Variants in GSN observed in about 807,000 individuals in gnomAD.
The protein encoded by GSN is actin-depolymerizing factor.
In GSN, 56 loss-of-function variants were observed where a neutral mutation model predicts 85.7. The ratio of observed to expected loss-of-function variants is 0.65; its 90% CI spans 0.53 to 0.82. The LOEUF (loss-of-function observed/expected upper bound fraction) is 0.82. GSN is among the 40% of genes least tolerant of loss of function. The probability of loss-of-function intolerance (pLI) is 0.00; values close to 1 mark genes in which losing one functional copy is unlikely to be tolerated. For synonymous variants in GSN, 373 were observed against 399.1 expected (o/e 0.93, Z 0.78); for missense variants, 857 against 979.8 (o/e 0.87, Z 1.67).
At chr9:121,277,091 G>C (rs1445889211) in intron 1 of GSN, among the ~76,000 whole-genome samples, 3 of 151,920 alleles carry the variant, frequency 2.0e-5, no homozygotes, top group African/African-American at 7.3e-5. Flanking sequence ...TGTTCCCCTA[G>C]GTCTCCTTTC....
intron 1 of GSN, among the ~76,000 whole-genome samples, chr9:121,208,949 G>T (rs1352766785): frequency 1.3e-5 from 2 of 152,264 alleles, no homozygotes; most frequent in South Asian, 4.1e-4. Context: ...TTTCCCACCA[G>T]TGCAGTTCCC....
intron 1 of GSN, among the ~76,000 whole-genome samples, chr9:121,275,555 G>A (rs1362985934): frequency 1.3e-5 from 2 of 152,128 alleles, no homozygotes; most frequent in Non-Finnish European, 2.9e-5. Flanking sequence ...GAACTGTATC[G>A]TTCAGAACGG....
At chr9:121,247,922 C>T (rs920153328) in intron 5 of GSN, among the ~76,000 whole-genome samples, 19 of 145,772 alleles carry the variant, frequency 1.3e-4, no homozygotes, top group African/African-American at 4.8e-4. Context: ...GGGAGTCTCA[C>T]CAATGAAGGC....
At chr9:121,293,935 C>T (rs759534345) in intron 2 of GSN, among the ~76,000 whole-genome samples, 43 of 150,066 alleles carry the variant, frequency 2.9e-4, no homozygotes, top group South Asian at 8.8e-4. Flanking sequence ...GATGAGGAAA[C>T]GGAGGCTCAG....
intron 2 of GSN, among the ~76,000 whole-genome samples, chr9:121,292,485 C>T (rs964084841): frequency 3.9e-5 from 6 of 152,194 alleles, no homozygotes; most frequent in African/African-American, 1.4e-4. Context: ...AGGGTCTGGA[C>T]ACATGCTGTA....
intron 1 of GSN, among the ~76,000 whole-genome samples, chr9:121,208,665 C>G (rs2053921627): frequency 1.3e-5 from 2 of 152,180 alleles, no homozygotes; most frequent in Non-Finnish European, 2.9e-5. Context: ...AGAAGTTGTA[C>G]CTATTGCTTT....
intron 5 of GSN, among the ~76,000 whole-genome samples, chr9:121,237,570 A>AAACC (rs1306190131): frequency 2.0e-5 from 3 of 152,092 alleles, no homozygotes; most frequent in Non-Finnish European, 4.4e-5. Context: ...CAAACAAACA[A>AAACC]AACCAACCAA....
chr9:121,290,568 T>C (rs2132869681), intron 2 of GSN, among the ~76,000 whole-genome samples: 1 of 152,336 alleles, frequency 6.6e-6, no homozygotes, highest in East Asian at 1.9e-4. Flanking sequence ...CAAGTTATTG[T>C]ATATACTTAA....
intron 4 of GSN, among the ~76,000 whole-genome samples, chr9:121,226,765 A>G (rs893154903): frequency 2.6e-5 from 4 of 152,012 alleles, no homozygotes; most frequent in African/African-American, 7.3e-5. Flanking sequence ...CAATAAGGCA[A>G]CTCTTATTGG....
chr9:121,272,107 C>T (rs1046328567), intron 1 of GSN, among the ~76,000 whole-genome samples: 4 of 152,290 alleles, frequency 2.6e-5, no homozygotes, highest in South Asian at 2.1e-4. Context: ...TCGCTTTCAA[C>T]GGAGTGAGCG....
In GSN at chr9:121,326,518, G is replaced by A. The variant is rs766945413; in HGVS notation, c.1423G>A (p.Val475Met). 4 of 1,613,742 alleles carry A rather than the reference G, an allele frequency of 2.5e-6. No individual in the cohort carries two copies. The highest frequency in any genetic ancestry group is 3.4e-4 in the Middle Eastern group (2 of 5,962). Residue 475 changes from valine to methionine, a missense_variant, in exon 13 of 18, where the codon GTG becomes ATG. By Grantham distance (21) the Val-to-Met change is conservative. Coordinates refer to ENST00000432226, the MANE Select transcript of GSN (RefSeq NM_198252.3). ...TCTCCTGTCTCCCTGCCAGAGCCGTGTGGTCCAAGGCAAGGAGCCCGCCCA... is the reference window on the plus strand; with the variant it reads ...TCTCCTGTCTCCCTGCCAGAGCCGTATGGTCCAAGGCAAGGAGCCCGCCCA... ...ELGGTPVQSR[V>M]VQGKEPAHLM...
At chr9:121,312,528 G>A (rs778419126) in intron 6 of GSN, 40 bp downstream of exon 6, 6 of 1,552,754 alleles carry the variant, frequency 3.9e-6, no homozygotes, top group South Asian at 3.5e-5. Flanking sequence ...ATGGGGACAC[G>A]CTGCTCATGA....
upstream of GSN, among the ~76,000 whole-genome samples, chr9:121,267,393 T>C (rs2055264330): frequency 1.3e-5 from 2 of 152,230 alleles, no homozygotes; most frequent in African/African-American, 4.8e-5. Context: ...AGAACATCCC[T>C]TCCGTTTATG....
chr9:121,310,458 C>G, intron 4 of GSN: 1 of 584,610 alleles, frequency 1.7e-6, no homozygotes, highest in East Asian at 3.0e-5. Flanking sequence ...GCTGTGTGGC[C>G]TTGGGCAAAT....
intron 4 of GSN, among the ~76,000 whole-genome samples, chr9:121,218,543 G>A (rs887201590): frequency 1.3e-5 from 2 of 152,188 alleles, no homozygotes; most frequent in Admixed American, 6.5e-5. Context: ...GCTGAGTCAC[G>A]AGAATCACTT....
chr9:121,240,637 T>G (rs892669684), intron 5 of GSN, among the ~76,000 whole-genome samples: 1 of 152,180 alleles, frequency 6.6e-6, no homozygotes, highest in Non-Finnish European at 1.5e-5. Context: ...AACCAGGACC[T>G]GTTTGGGGCT....
chr9:121,297,403 A>G (rs1189931678), intron 2 of GSN, among the ~76,000 whole-genome samples: 1 of 152,150 alleles, frequency 6.6e-6, no homozygotes, highest in East Asian at 1.9e-4. Context: ...GAATATTTTT[A>G]TCACCCCGAA....
At chr9:121,217,645 G>C (rs2054090310) in intron 4 of GSN, among the ~76,000 whole-genome samples, 1 of 151,828 alleles carries the variant, frequency 6.6e-6, no homozygotes. Context: ...TAAAGACCCT[G>C]TCTCTAAATA....
At chr9:121,236,196 A>G (rs1393716388) in intron 5 of GSN, among the ~76,000 whole-genome samples, 1 of 151,846 alleles carries the variant, frequency 6.6e-6, no homozygotes, top group Non-Finnish European at 1.5e-5. Flanking sequence ...CCATTATTTA[A>G]CATGTTGTTG....
Sources: gnomAD v4.1 joint callset for allele counts (sites outside exome capture counted in the v4.1 genomes callset) on GRCh38, gnomAD v4.1.1 for gene constraint, MANE v1.5 for transcripts, NCBI Gene and HGNC (gene_info 2026-07-23, HGNC 2026-07-21) for gene names.